The following LHX8 variants were observed in gnomAD, a reference collection of about 807,000 sequenced individuals.
LHX8 encodes LIM homeobox 8.
A neutral mutation model predicts 40.3 loss-of-function variants in LHX8; 12 were observed. That is an observed-to-expected ratio of 0.30 (90% CI 0.19 to 0.48). The LOEUF is 0.48. Ranked by LOEUF, LHX8 falls within the 20% of genes least tolerant of loss-of-function variation. The pLI, the probability that LHX8 is intolerant of heterozygous loss-of-function variation, is 0.99. For synonymous variants in LHX8, 179 were observed against 162.0 expected (o/e 1.10, Z -0.80); for missense variants, 344 against 433.7 (o/e 0.79, Z 1.84).
intron 7 of LHX8, among the ~76,000 whole-genome samples, chr1:75,152,717 G>A (rs1027852542): frequency 3.3e-5 from 5 of 152,138 alleles, no homozygotes; most frequent in Non-Finnish European, 7.3e-5. Context: ...CTTTGCCTTT[G>A]AGAAAGTTCA....
intron 2 of LHX8, 139 bp downstream of exon 2, chr1:75,136,828 T>TGG: frequency 2.8e-6 from 1 of 355,816 alleles, no homozygotes; most frequent in South Asian, 2.1e-5. Context: ...GGAGAGGGTC[T>TGG]GGGTGGGGTG....
chr1:75,198,447 G>A, the LHX8 span, among the ~76,000 whole-genome samples: 1 of 152,160 alleles, frequency 6.6e-6, no homozygotes, highest in African/African-American at 2.4e-5. Flanking sequence ...TAATGGATAT[G>A]ATGCTCACTC....
In LHX8 at chr1:75,141,042, C is replaced by T. The variant is rs1481335399; in HGVS notation, c.295C>T (p.Leu99=). Residue 99 remains leucine (L), a synonymous_variant, in exon 4 of 9, where the codon CTA becomes TTA. Coordinates refer to ENST00000356261, the MANE Select transcript of LHX8 (RefSeq NM_001256114.2). The part of the protein sequence containing the change: ...CLSCSVCRTS[L]GRHTSCYIKD... Reference sequence around the variant, plus strand: ...CTCCTGCAGTGTTTGCAGAACCTCCCTAGGAAGGCACACCAGCTGTTATAT... The same window carrying T: ...CTCCTGCAGTGTTTGCAGAACCTCCTTAGGAAGGCACACCAGCTGTTATAT... 1 of 1,613,468 alleles carries T rather than the reference C, an allele frequency of 6.2e-7. No homozygotes were observed. Among genetic ancestry groups the T allele is most frequent in the Non-Finnish European group, 8.5e-7 (1 of 1,179,554 alleles).
upstream of LHX8, among the ~76,000 whole-genome samples, chr1:75,129,620 A>G (rs970941428): frequency 6.6e-6 from 1 of 152,148 alleles, no homozygotes; most frequent in Non-Finnish European, 1.5e-5. Context: ...TGTGAATAGG[A>G]GGCTCACACA....
intron 3 of LHX8, among the ~76,000 whole-genome samples, chr1:75,138,733 ACAT>A (rs1648222607): frequency 6.6e-6 from 1 of 152,176 alleles, no homozygotes; most frequent in Non-Finnish European, 1.5e-5. Context: ...TGATGAAGTG[ACAT>A]TTAACACAAC....
At position 75,150,167 on chromosome 1, in the gene LHX8, G is replaced by T. The variant is rs868720756; in HGVS notation, c.780+1485G>T. ...GTGGGAGGGTCACCTAAGTCCAGGA[G>T]GTTGAAGCTGCAGTCAGCCATGATA... is the stretch of plus-strand genomic sequence containing the variant. On this transcript the variant is annotated intron_variant, in intron 7 of 8. Coordinates refer to ENST00000356261, the MANE Select transcript of LHX8 (RefSeq NM_001256114.2). Among the ~76,000 whole-genome samples the T allele has an allele frequency of 2.0e-5, 3 of 152,292 alleles. No homozygotes were observed. In the Middle Eastern group the frequency reaches 0.01, roughly 518 times the overall value.
chr1:75,165,427 GC>G (rs1277692111), downstream of LHX8, among the ~76,000 whole-genome samples: 1 of 152,080 alleles, frequency 6.6e-6, no homozygotes, highest in East Asian at 1.9e-4. Flanking sequence ...ACTGCCATAG[GC>G]TTAGAGGATG....
the LHX8 span, among the ~76,000 whole-genome samples, chr1:75,198,323 G>T: frequency 6.6e-6 from 1 of 152,160 alleles, no homozygotes; most frequent in African/African-American, 2.4e-5. Context: ...CAAATAAACT[G>T]TCCACTAGGG....
At chr1:75,175,372 G>T in the LHX8 span, among the ~76,000 whole-genome samples, 1 of 152,158 alleles carries the variant, frequency 6.6e-6, no homozygotes, top group African/African-American at 2.4e-5. Flanking sequence ...AGTTCTTAAA[G>T]GAGTCTCCAT....
At chr1:75,169,934 G>A in the LHX8 span, among the ~76,000 whole-genome samples, 1 of 152,210 alleles carries the variant, frequency 6.6e-6, no homozygotes, top group Non-Finnish European at 1.5e-5. Flanking sequence ...GCTTCATGGT[G>A]CTACCCTGGT....
chr1:75,155,523 T>A (rs112222856), intron 7 of LHX8, among the ~76,000 whole-genome samples: 3,491 of 152,230 alleles, frequency 0.023, 58 homozygotes, highest in Non-Finnish European at 0.033. Flanking sequence ...AGTGAGCCAC[T>A]GCGCCCGGCC....
intron 3 of LHX8, among the ~76,000 whole-genome samples, chr1:75,138,320 T>G (rs537311010): frequency 2.0e-5 from 3 of 152,214 alleles, no homozygotes; most frequent in Non-Finnish European, 4.4e-5. Flanking sequence ...AGAGTATGTG[T>G]TCAAAATTCG....
At chr1:75,130,671 T>A (rs1474050842), upstream of LHX8, 2 of 1,594,322 alleles carry the variant, frequency 1.3e-6, no homozygotes, top group Admixed American at 1.7e-5. Flanking sequence ...GACCGGTAAG[T>A]CCCAAGGTGA....
At position 75,137,382 on chromosome 1, in the gene LHX8, T is replaced by A. The variant is rs573274280; in HGVS notation, c.237+121T>A. The A allele has an allele frequency of 2.4e-4, 246 of 1,011,202 alleles. No individual in the cohort carries two copies. In the African/African-American group the frequency reaches 3.6e-3, roughly 15 times the overall value. 62.6% of individuals were successfully genotyped at this position (1,011,202 alleles called of 1,614,324 possible). ...CAAGTTCTGGGTGAAGGTTGTAGGC[T>A]TTTGCAGAAAATCAGCCCAGTTTAG... On this transcript the variant is annotated intron_variant, in intron 3 of 8. Transcript: ENST00000356261.
chr1:75,156,211 TTGTTG>T (rs1223046908), intron 7 of LHX8, among the ~76,000 whole-genome samples: 1 of 43,580 alleles, frequency 2.3e-5, no homozygotes, highest in Non-Finnish European at 4.6e-5. Flanking sequence ...TGTTTGGGCT[TTGTTG>T]TTGTTGTTGT....
chr1:75,146,399 T>A (rs1648460598), intron 6 of LHX8, among the ~76,000 whole-genome samples: 1 of 152,210 alleles, frequency 6.6e-6, no homozygotes, highest in Non-Finnish European at 1.5e-5. Flanking sequence ...TTTGTAGAAA[T>A]GATATTTAAG....
At chr1:75,192,245 C>A in the LHX8 span, among the ~76,000 whole-genome samples, 2 of 152,072 alleles carry the variant, frequency 1.3e-5, no homozygotes, top group South Asian at 4.1e-4. Flanking sequence ...TTTGGTATGC[C>A]GATACCAAGT....
chr1:75,132,704 T>A (rs1648004421), upstream of LHX8: 1 of 151,522 alleles, frequency 6.6e-6, no homozygotes, highest in African/African-American at 2.4e-5. Context: ...ACCCGCGCGA[T>A]AAATTCTCCT....
the LHX8 span, among the ~76,000 whole-genome samples, chr1:75,191,337 C>T: frequency 2.0e-5 from 3 of 152,156 alleles, no homozygotes; most frequent in Non-Finnish European, 2.9e-5. Flanking sequence ...TGAAGGTCCC[C>T]ATAATAAGGC....
Sources: allele counts gnomAD v4.1 joint callset (sites outside exome capture counted in the v4.1 genomes callset), GRCh38; gene constraint gnomAD v4.1.1; transcripts MANE v1.5; gene names NCBI Gene and HGNC (gene_info 2026-07-23, HGNC 2026-07-21).